The following XPOT variants were observed in gnomAD, a reference collection of about 807,000 sequenced individuals.
XPOT encodes exportin for tRNA.
A neutral mutation model predicts 128.2 loss-of-function variants in XPOT; 34 were observed. The ratio of observed to expected loss-of-function variants is 0.27; its 90% CI spans 0.20 to 0.35. The LOEUF is 0.35. XPOT is among the 10% of genes least tolerant of loss of function. The pLI, the probability that XPOT is intolerant of heterozygous loss-of-function variation, is 1.00. For missense variants in XPOT, 838 were observed against 1,125.3 expected, an observed-to-expected ratio of 0.74 and a Z score of 3.65; for synonymous variants, 348 against 394.3, an observed-to-expected ratio of 0.88 and a Z score of 1.39.
intron 1 of XPOT, among the ~76,000 whole-genome samples, chr12:64,406,094 GAC>G (rs982367491): frequency 2.6e-5 from 4 of 151,274 alleles, no homozygotes; most frequent in Non-Finnish European, 5.9e-5. Context: ...TCTTTTTTTT[GAC>G]ACAGTGTCTC....
At position 64,409,110 on chromosome 12, in the gene XPOT, T is replaced by C. The variant is rs572228657; in HGVS notation, c.-74-852T>C. Among the ~76,000 whole-genome samples the C allele has an allele frequency of 2.0e-5, 3 of 152,308 alleles. No homozygotes were observed. The East Asian group carries it at 5.8e-4, about 29-fold the overall frequency. ...AAGCTAAATGACTGGTTTTTCATTA[T>C]CCTGTTCCTTTCATTAGACTTCTGT... On this transcript the variant is annotated intron_variant, in intron 1 of 24. Transcript: ENST00000332707.
chr12:64,447,029 G>A (rs1453018182), intron 24 of XPOT, among the ~76,000 whole-genome samples: 1 of 152,194 alleles, frequency 6.6e-6, no homozygotes, highest in Admixed American at 6.5e-5. Context: ...GCAAGGAGGA[G>A]CAGGTCACAT....
intron 18 of XPOT, 58 bp from the exon 19 acceptor site, chr12:64,433,356 T>C (rs1199763966): frequency 1.4e-6 from 2 of 1,453,576 alleles, no homozygotes; most frequent in Non-Finnish European, 1.8e-6. Context: ...AATAGTTTTT[T>C]CTAAGTTGTA....
At chr12:64,424,158 T>C (rs1201821713) in intron 11 of XPOT, among the ~76,000 whole-genome samples, 1 of 152,200 alleles carries the variant, frequency 6.6e-6, no homozygotes, top group African/African-American at 2.4e-5. Context: ...TACCATATTA[T>C]TACCACTTTT....
chr12:64,416,807 T>C, intron 4 of XPOT, 53 bp downstream of exon 4: 1 of 1,461,682 alleles, frequency 6.8e-7, no homozygotes, highest in Non-Finnish European at 9.5e-7. Context: ...GGTCATTTTT[T>C]TAATTTAATG....
chr12:64,418,167 T>C (rs777519407), intron 5 of XPOT, 52 bp downstream of exon 5: 2 of 1,507,014 alleles, frequency 1.3e-6, no homozygotes, highest in East Asian at 2.3e-5. Flanking sequence ...TTTAAACTTA[T>C]TTTTTGCAAG....
chr12:64,450,736 AC>A lies in XPOT; in HGVS notation c.*2606del, dbSNP rs1261551853. 1 of 152,258 alleles carries A rather than the reference AC, an allele frequency of 6.6e-6. No homozygotes were observed. Among genetic ancestry groups the A allele is most frequent in the Non-Finnish European group, 1.5e-5 (1 of 68,048 alleles). The allele number at this position is 152,258 out of a possible 1,614,324, so 9.4% of individuals were successfully genotyped here. A position where few individuals can be genotyped will look rare whatever the true frequency, so the allele number is the denominator to read the frequency against. On this transcript the variant is annotated 3_prime_UTR_variant, in exon 25 of 25. Coordinates refer to ENST00000332707, the MANE Select transcript of XPOT (RefSeq NM_007235.6). ...TCAAGAGAGGAAGGACAAAACTGTT[AC>A]AAGCTGAAATATTTGGGGATTTGTT...
intron 15 of XPOT, among the ~76,000 whole-genome samples, chr12:64,427,648 C>T (rs575146205): frequency 2.6e-5 from 4 of 151,966 alleles, no homozygotes; most frequent in East Asian, 1.9e-4. Flanking sequence ...AGGCGTGTGA[C>T]GATGGCCGGC....
chr12:64,438,203 A>C (rs2040298390), intron 22 of XPOT, among the ~76,000 whole-genome samples: 1 of 152,248 alleles, frequency 6.6e-6, no homozygotes, highest in Non-Finnish European at 1.5e-5. Context: ...TACAGAATTG[A>C]GTCAAACAAT....
intron 1 of XPOT, chr12:64,405,422 G>A (rs1169334860): frequency 6.6e-6 from 1 of 152,196 alleles, no homozygotes. Context: ...TCAGCGTGGT[G>A]TTAAAAGGCT....
In XPOT at chr12:64,404,466, A is replaced by AGCG. The variant is rs896872647; in HGVS notation, c.-401_-399dup. The AGCG allele has an allele frequency of 1.3e-4, 20 of 157,906 alleles. No individual in the cohort carries two copies. The highest frequency in any genetic ancestry group is 9.3e-4 in the East Asian group (5 of 5,400). The allele number at this position is 157,906 out of a possible 1,614,324, so 9.8% of individuals were successfully genotyped here. The stretch of plus-strand genomic sequence containing the variant: ...CGGGGAGCGCGCTTCGCGCTGACTC[A>AGCG]GCGGCGGCGGCGGCTGCGGCGGCGG... On this transcript the variant is annotated 5_prime_UTR_variant, in exon 1 of 25. Transcript: ENST00000332707.
At position 64,415,438 on chromosome 12, in the gene XPOT, A is replaced by C. The variant is rs145811770; in HGVS notation, c.143+449A>C. On this transcript the variant is annotated intron_variant, in intron 3 of 24. Coordinates refer to ENST00000332707, the MANE Select transcript of XPOT (RefSeq NM_007235.6). ...CGCCCAGGCTGAAGTGCAGTGGCGC[A>C]ATCTAGGCTCACTGCAAGCTTCGCC... Among the ~76,000 whole-genome samples the C allele has an allele frequency of 5.9e-3, 904 of 152,070 alleles. 11 individuals are homozygous for C. Among genetic ancestry groups the C allele is most frequent in the African/African-American group, 0.02 (830 of 41,504 alleles).
chr12:64,433,070 G>A (rs1592336595), intron 18 of XPOT, among the ~76,000 whole-genome samples: 1 of 152,118 alleles, frequency 6.6e-6, no homozygotes, highest in South Asian at 2.1e-4. Flanking sequence ...CTCCTGAGTA[G>A]CTTGGACTGG....
In XPOT at chr12:64,416,742, A is replaced by G. The variant is rs773432289; in HGVS notation, c.188A>G (p.Gln63Arg). The G allele has an allele frequency of 1.2e-6, 2 of 1,613,312 alleles. No homozygotes were observed. Among genetic ancestry groups the G allele is most frequent in the Non-Finnish European group, 1.7e-6 (2 of 1,179,632 alleles). The stretch of plus-strand genomic sequence containing the variant: ...TTCTGCTTTCAAGTACTGGAACATC[A>G]AGTTAAATACAAGTAAGGCTTTTCT... ...KFFCFQVLEH[Q>R]VKYKYSELTT... The change falls in exon 4 of 25, where the codon CAA (glutamine) becomes CGA (arginine). Residue 63 changes from glutamine (Q) to arginine (R), a missense_variant. By Grantham distance (43) the Gln-to-Arg change is conservative. This residue lies in a region of XPOT where 761 missense variants were observed against 988.3 expected (regional missense o/e 0.77). Coordinates refer to ENST00000332707, the MANE Select transcript of XPOT (RefSeq NM_007235.6).
At chr12:64,437,690 T>G (rs2040294044) in intron 22 of XPOT, among the ~76,000 whole-genome samples, 1 of 152,126 alleles carries the variant, frequency 6.6e-6, no homozygotes, top group Admixed American at 6.6e-5. Context: ...TCTGAAGCAG[T>G]TAGGATTAAA....
chr12:64,425,268 T>C, intron 13 of XPOT, 70 bp from the exon 14 acceptor site: 2 of 1,609,804 alleles, frequency 1.2e-6, no homozygotes, highest in East Asian at 2.2e-5. Context: ...GAGCTTAGTA[T>C]ATGTTAATAC....
At chr12:64,427,461 A>G (rs1460726344) in intron 15 of XPOT, among the ~76,000 whole-genome samples, 1 of 151,844 alleles carries the variant, frequency 6.6e-6, no homozygotes, top group African/African-American at 2.4e-5. Context: ...TCATCAGCCA[A>G]GTACTTAGTT....
intron 16 of XPOT, 118 bp downstream of exon 16, chr12:64,428,238 G>C: frequency 1.5e-6 from 1 of 651,872 alleles, no homozygotes; most frequent in Non-Finnish European, 2.6e-6. Flanking sequence ...AAGTGTATGT[G>C]CAAAGATTAG....
intron 16 of XPOT, among the ~76,000 whole-genome samples, chr12:64,429,584 AG>A (rs2040221014): frequency 6.6e-6 from 1 of 151,948 alleles, no homozygotes; most frequent in Non-Finnish European, 1.5e-5. Flanking sequence ...CTGGGACTAC[AG>A]GTGCGCCACC....
Sources: allele counts gnomAD v4.1 joint callset (sites outside exome capture counted in the v4.1 genomes callset), GRCh38; gene constraint gnomAD v4.1.1; regional missense constraint gnomAD v4.1.1; transcripts MANE v1.5; gene names NCBI Gene and HGNC (gene_info 2026-07-23, HGNC 2026-07-21).